The following KCNIP4 variants were observed in gnomAD, a reference collection of about 807,000 sequenced individuals.
KCNIP4 encodes the protein potassium voltage-gated channel interacting protein 4.
A neutral mutation model predicts 34.0 loss-of-function variants in KCNIP4; 12 were observed. The ratio of observed to expected loss-of-function variants is 0.35; its 90% CI spans 0.23 to 0.57. The LOEUF (loss-of-function observed/expected upper bound fraction) is 0.57, where lower values mean the gene tolerates loss of function less well. Ranked by LOEUF, KCNIP4 falls within the 20% of genes least tolerant of loss-of-function variation. The pLI is 0.83. For synonymous variants in KCNIP4, 124 were observed against 102.2 expected (o/e 1.21, Z -1.29); for missense variants, 238 against 311.7 (o/e 0.76, Z 1.78).
intron 1 of KCNIP4, among the ~76,000 whole-genome samples, chr4:21,272,851 A>G (rs1306524525): frequency 6.6e-6 from 1 of 152,104 alleles, no homozygotes; most frequent in African/African-American, 2.4e-5. Flanking sequence ...AGGTTCTCTG[A>G]TTTTTCTTTT....
intron 1 of KCNIP4, among the ~76,000 whole-genome samples, chr4:21,440,253 G>A (rs1221663556): frequency 6.6e-6 from 1 of 152,200 alleles, no homozygotes; most frequent in Non-Finnish European, 1.5e-5. Flanking sequence ...TGTCAAGTGA[G>A]TATATTGGTG....
rs36004640 is a variant in KCNIP4 at position 21,941,496 on chromosome 4, TA to T, written c.61+7074del. Among the ~76,000 whole-genome samples, 208 of 144,198 alleles carry T rather than the reference TA, an allele frequency of 1.4e-3. 1 individual carries two copies. The highest frequency in any genetic ancestry group is 9.8e-3 in the East Asian group (48 of 4,890). The allele number at this position is 144,198 out of a possible 152,430, so 94.6% of individuals were successfully genotyped here. A position where few individuals can be genotyped will look rare whatever the true frequency, so the allele number is the denominator to read the frequency against. On this transcript the variant is annotated intron_variant, in intron 1 of 8. Coordinates refer to ENST00000382152, the MANE Select transcript of KCNIP4 (RefSeq NM_025221.6). ...AAACCTTTTTGTAGTAAAGACCTAT[TA>T]AAAAAAAAAAAACAGATCTAATTCC...
intron 1 of KCNIP4, among the ~76,000 whole-genome samples, chr4:21,448,771 T>G (rs1018894706): frequency 7.9e-5 from 12 of 152,120 alleles, no homozygotes; most frequent in African/African-American, 2.4e-4. Flanking sequence ...CACTCAACTG[T>G]CTCAGCATAA....
intron 1 of KCNIP4, among the ~76,000 whole-genome samples, chr4:21,797,471 G>GT (rs71193408): frequency 1.4e-3 from 213 of 149,550 alleles, no homozygotes; most frequent in East Asian, 9.9e-3. Context: ...AAAAACATCA[G>GT]TTTTTTTTTT....
chr4:21,366,811 G>C (rs1057017651), intron 1 of KCNIP4, among the ~76,000 whole-genome samples: 3 of 152,100 alleles, frequency 2.0e-5, no homozygotes, highest in Non-Finnish European at 2.9e-5. Context: ...AGAGAGAGGG[G>C]AGGGAGGGAG....
intron 1 of KCNIP4, among the ~76,000 whole-genome samples, chr4:21,876,160 G>A (rs1247282510): frequency 2.0e-5 from 3 of 152,094 alleles, no homozygotes; most frequent in African/African-American, 4.8e-5. Context: ...TTGTGACATA[G>A]TGATACACTT....
intron 1 of KCNIP4, among the ~76,000 whole-genome samples, chr4:21,296,213 GT>G (rs1466766563): frequency 6.6e-6 from 1 of 151,382 alleles, no homozygotes; most frequent in Non-Finnish European, 1.5e-5. Context: ...ATCAGAACCA[GT>G]TTTAAACTCA....
intron 1 of KCNIP4, among the ~76,000 whole-genome samples, chr4:21,730,538 G>A (rs932306833): frequency 2.3e-4 from 35 of 152,024 alleles, no homozygotes; most frequent in Admixed American, 5.2e-4. Flanking sequence ...ATATATTGGG[G>A]GTGAGGTCTT....
At chr4:21,226,336 G>GGAAGGAAGAGAAGGAAGA (rs1269443274) in intron 1 of KCNIP4, among the ~76,000 whole-genome samples, 2 of 95,520 alleles carry the variant, frequency 2.1e-5, no homozygotes, top group Non-Finnish European at 3.8e-5. Context: ...GGGAAGGAAG[G>GGAAGGAAGAGAAGGAAGA]GAAGGAAGAG....
chr4:21,144,572 G>A (rs945700235), intron 1 of KCNIP4, among the ~76,000 whole-genome samples: 1 of 152,140 alleles, frequency 6.6e-6, no homozygotes. Context: ...ACACAGTGCT[G>A]GAGTCTTGGA....
chr4:21,062,625 G>C (rs1744025426), intron 1 of KCNIP4, among the ~76,000 whole-genome samples: 1 of 152,008 alleles, frequency 6.6e-6, no homozygotes, highest in Non-Finnish European at 1.5e-5. Context: ...TCTACATGGT[G>C]AGTCTGCAAG....
At chr4:20,917,917 C>G (rs1449561681) in intron 1 of KCNIP4, among the ~76,000 whole-genome samples, 1 of 152,158 alleles carries the variant, frequency 6.6e-6, no homozygotes, top group Admixed American at 6.5e-5. Flanking sequence ...ACGTGTCCAA[C>G]TTGGCCTTCC....
At chr4:21,763,120 CA>C (rs1718172264) in intron 1 of KCNIP4, 1 of 1,286,270 alleles carries the variant, frequency 7.8e-7, no homozygotes, top group African/African-American at 1.5e-5. Context: ...ACAGGTTCAC[CA>C]GACAATAATT....
At chr4:21,147,303 G>A (rs796641008) in intron 1 of KCNIP4, among the ~76,000 whole-genome samples, 9 of 152,254 alleles carry the variant, frequency 5.9e-5, no homozygotes, top group African/African-American at 2.2e-4. Context: ...AGTTCTCGGG[G>A]AGGCCCAGTT....
chr4:21,228,003 CT>C (rs1245538697), intron 1 of KCNIP4, among the ~76,000 whole-genome samples: 1 of 152,104 alleles, frequency 6.6e-6, no homozygotes, highest in Non-Finnish European at 1.5e-5. Context: ...AAAAATAACA[CT>C]TATGTGTACT....
intron 1 of KCNIP4, among the ~76,000 whole-genome samples, chr4:21,603,335 G>A (rs1390835574): frequency 6.6e-6 from 1 of 151,956 alleles, no homozygotes; most frequent in African/African-American, 2.4e-5. Flanking sequence ...GACTTTTTGA[G>A]TATTTGCAAG....
intron 1 of KCNIP4, among the ~76,000 whole-genome samples, chr4:21,504,108 T>TAATCCA (rs2109898160): frequency 6.6e-6 from 1 of 152,218 alleles, no homozygotes; most frequent in Admixed American, 6.5e-5. Flanking sequence ...CTGAGCAATT[T>TAATCCA]AATCCACCCA....
chr4:20,819,475 G>A (rs576277189), intron 3 of KCNIP4, among the ~76,000 whole-genome samples: 2 of 152,228 alleles, frequency 1.3e-5, no homozygotes, highest in Admixed American at 6.5e-5. Context: ...GTGGGCAGGG[G>A]GGATTTCGGA....
chr4:20,987,435 T>C (rs1176388588), intron 1 of KCNIP4, among the ~76,000 whole-genome samples: 1 of 152,102 alleles, frequency 6.6e-6, no homozygotes, highest in Admixed American at 6.5e-5. Flanking sequence ...AAAGGTACAC[T>C]AAAGGCTTTT....
Sources: gnomAD v4.1 joint callset for allele counts (sites outside exome capture counted in the v4.1 genomes callset) on GRCh38, gnomAD v4.1.1 for gene constraint, MANE v1.5 for transcripts, NCBI Gene and HGNC (gene_info 2026-07-23, HGNC 2026-07-21) for gene names.